CCDC42: variants seen among roughly 807,000 people sequenced by gnomAD.
The protein encoded by CCDC42 is coiled-coil domain-containing protein 42.
In CCDC42, 38 loss-of-function variants were observed where a neutral mutation model predicts 40.8. The observed-to-expected ratio is 0.93, with a 90% CI of 0.72 to 1.22. CCDC42 has a LOEUF of 1.22. Among genes scored for constraint, CCDC42 ranks in the 50% most tolerant of loss-of-function variants. CCDC42 has a pLI of 0.00. For synonymous variants in CCDC42, 135 were observed against 157.5 expected (o/e 0.86, Z 1.07); for missense variants, 379 against 416.5 (o/e 0.91, Z 0.78).
At chr17:8,732,418 A>G (rs2086587068) in intron 6 of CCDC42, among the ~76,000 whole-genome samples, 1 of 152,094 alleles carries the variant, frequency 6.6e-6, no homozygotes, top group South Asian at 2.1e-4. Flanking sequence ...TGGAGATGGA[A>G]CTACACAGAC....
Position 8,744,767 on chromosome 17 carries a change from GC to G in CCDC42, c.-159del. On this transcript the variant is annotated 5_prime_UTR_variant, in exon 1 of 7. Coordinates refer to ENST00000293845, the MANE Select transcript of CCDC42 (RefSeq NM_144681.3). ...GGAGTTTGAGACTCCACAGAAGGTG[GC>G]TGGAGACAGGTTGGGCGGCTCAGGA... The G allele has an allele frequency of 1.6e-6, 1 of 637,412 alleles. No homozygotes were observed. The highest frequency in any genetic ancestry group is 2.8e-6 in the Non-Finnish European group (1 of 352,772). The allele number at this position is 637,412 out of a possible 1,614,324, so 39.5% of individuals were successfully genotyped here. A position where few individuals can be genotyped will look rare whatever the true frequency, so the allele number is the denominator to read the frequency against.
chr17:8,740,741 T>G (rs1308892641), intron 4 of CCDC42, among the ~76,000 whole-genome samples: 1 of 152,122 alleles, frequency 6.6e-6, no homozygotes, highest in African/African-American at 2.4e-5. Context: ...CTACAGGGAC[T>G]GCAGGGAGAG....
intron 4 of CCDC42, 108 bp downstream of exon 4, chr17:8,741,366 G>A: frequency 8.7e-7 from 1 of 1,145,258 alleles, no homozygotes. Flanking sequence ...AGGGTCCACA[G>A]TCCCCAGCCA....
At position 8,730,124 on chromosome 17, in the gene CCDC42, G is replaced by C; in HGVS notation, c.*6C>G. The C allele has an allele frequency of 6.2e-7, 1 of 1,613,100 alleles. No individual in the cohort carries two copies. The highest frequency in any genetic ancestry group is 8.5e-7 in the Non-Finnish European group (1 of 1,179,168). On this transcript the variant is annotated 3_prime_UTR_variant, in exon 7 of 7. Transcript: ENST00000293845. The stretch of plus-strand genomic sequence containing the variant: ...TCTCAGGACATTCTGGAACAAGGCT[G>C]CCTCCTTAAATCCGGACTCGCTGTT...
At chr17:8,744,252 C>G (rs1213351423) in intron 1 of CCDC42, 68 bp from the exon 2 acceptor site, 2 of 1,210,770 alleles carry the variant, frequency 1.7e-6, no homozygotes, top group Admixed American at 2.0e-5. Context: ...TGGGAGTAAC[C>G]CGTGGAGACA....
chr17:8,741,545 G>T lies in CCDC42; in HGVS notation c.421C>A (p.Arg141=). 1 of 1,614,228 alleles carries T rather than the reference G, an allele frequency of 6.2e-7. No homozygotes were observed. The highest frequency in any genetic ancestry group is 8.5e-7 in the Non-Finnish European group (1 of 1,180,040). The change falls in exon 4 of 7, where the codon CGG becomes AGG. Residue 141 remains arginine (R), a synonymous_variant. Coordinates refer to ENST00000293845, the MANE Select transcript of CCDC42 (RefSeq NM_144681.3). ...TAGTCCTTCAGCTTGGCGCTCAGCC[G>T]CTGGTGCTCCAGCCGCAGCGCCACC... ...EMVALRLEHQ[R]LSAKLKDYYI... is the part of the protein sequence containing the mutation.
rs2152143383 is a variant in CCDC42 at position 8,737,725 on chromosome 17, T to C, written c.493-2114A>G. On this transcript the variant is annotated intron_variant, in intron 4 of 6. Coordinates refer to ENST00000293845, the MANE Select transcript of CCDC42 (RefSeq NM_144681.3). Reference sequence around the variant, plus strand: ...GAATCATACGATATAACCTCTTTTGTGTCTGGCTTAAGAAGCATACCAACT... The same window carrying C: ...GAATCATACGATATAACCTCTTTTGCGTCTGGCTTAAGAAGCATACCAACT... Among the ~76,000 whole-genome samples the C allele has an allele frequency of 1.3e-5, 2 of 152,338 alleles. 1 individual carries two copies. The highest frequency in any genetic ancestry group is 1.3e-4 in the Admixed American group (2 of 15,298).
At chr17:8,734,486 C>CTT (rs202035464) in intron 6 of CCDC42, among the ~76,000 whole-genome samples, 136 of 140,090 alleles carry the variant, frequency 9.7e-4, no homozygotes, top group African/African-American at 3.1e-3. Flanking sequence ...ATGAATTTCA[C>CTT]TTTTTTTTTT....
In CCDC42 at chr17:8,735,204, C is replaced by CA. The variant is rs911911248; in HGVS notation, c.764dup (p.Leu256AlafsTer5). The CA allele has an allele frequency of 6.2e-7, 1 of 1,614,204 alleles. No individual in the cohort carries two copies. ...GCGTGGCCATCTTAATGGTGCCAAG[C>CA]AGGAGGGTCTTCTTGGCTGCGGTGT... On this transcript the variant is annotated frameshift_variant, in exon 6 of 7. Coordinates refer to ENST00000293845, the MANE Select transcript of CCDC42 (RefSeq NM_144681.3). LOFTEE classifies it high-confidence loss of function. The surrounding 1 kb of genome is among the most constrained non-coding windows in gnomAD (Gnocchi z 4.7).
chr17:8,743,680 G>A lies in CCDC42; in HGVS notation c.240C>T (p.Gly80=), dbSNP rs200245591. Residue 80 remains glycine, a synonymous_variant, in exon 3 of 7, where the codon GGC becomes GGT. Transcript: ENST00000293845. ...GAGCCTTCAGTTGGGCTTCCTTAAC[G>A]CCCAGTTCCTCCCAGCGCAGGTTCA... The part of the protein sequence containing the change: ...ETLNLRWEEL[G]VKEAQLKAHI... 6.2e-6 allele frequency: 10 copies of A among 1,613,074 alleles called. No individual in the cohort carries two copies. Among genetic ancestry groups the A allele is most frequent in the East Asian group, 2.2e-5 (1 of 44,854 alleles).
chr17:8,741,450 G>T, intron 4 of CCDC42, 24 bp downstream of exon 4: 1 of 1,609,418 alleles, frequency 6.2e-7, no homozygotes, highest in South Asian at 1.1e-5. Flanking sequence ...TGCCAGGGCC[G>T]GCCCCCCTGC....
Position 8,735,733 on chromosome 17 carries a change from G to A in CCDC42, c.493-122C>T. 1 of 779,232 alleles carries A rather than the reference G, an allele frequency of 1.3e-6. No homozygotes were observed. The highest frequency in any genetic ancestry group is 1.8e-5 in the South Asian group (1 of 54,810). The allele number at this position is 779,232 out of a possible 1,614,324, so 48.3% of individuals were successfully genotyped here. On this transcript the variant is annotated intron_variant, in intron 4 of 6. Transcript: ENST00000293845. The surrounding 1 kb of genome is among the most constrained non-coding windows in gnomAD (Gnocchi z 4.7). ...GGACACCTGGGCAGGCAGGCCCTTG[G>A]CCAGGGTCACGGCCAGAGGCTGTGA...
At chr17:8,738,262 G>A (rs907988447) in intron 4 of CCDC42, among the ~76,000 whole-genome samples, 22 of 152,144 alleles carry the variant, frequency 1.4e-4, no homozygotes, top group African/African-American at 5.3e-4. Context: ...AGACGCAAAT[G>A]GATGAAAATA....
chr17:8,730,317 T>C, intron 6 of CCDC42, 110 bp from the exon 7 acceptor site: 1 of 659,360 alleles, frequency 1.5e-6, no homozygotes, highest in Non-Finnish European at 2.6e-6. Context: ...TGCTTTCCTG[T>C]GACTGACTTC....
intron 4 of CCDC42, among the ~76,000 whole-genome samples, chr17:8,739,743 A>G (rs2086630570): frequency 1.3e-5 from 2 of 152,096 alleles, no homozygotes. Context: ...GGGTTTCACC[A>G]TGTTGGCCAC....
chr17:8,730,256 C>G, intron 6 of CCDC42, 49 bp from the exon 7 acceptor site: 1 of 1,395,294 alleles, frequency 7.2e-7, no homozygotes, highest in Non-Finnish European at 1.0e-6. Flanking sequence ...AGAGGCCTCC[C>G]CTGTCCCAAG....
chr17:8,730,238 C>T (rs374587193), intron 6 of CCDC42, 31 bp from the exon 7 acceptor site: 296 of 1,579,324 alleles, frequency 1.9e-4, no homozygotes, highest in Non-Finnish European at 2.4e-4. Context: ...GCGTTAACTC[C>T]GCCCCCCAGA....
chr17:8,740,987 C>T (rs1307044954), intron 4 of CCDC42, among the ~76,000 whole-genome samples: 1 of 152,114 alleles, frequency 6.6e-6, no homozygotes, highest in Admixed American at 6.5e-5. Flanking sequence ...CCTAGTTCTG[C>T]AGGAGGTTGG....
At chr17:8,736,905 AAGAAGAAGAAAGGAAGAAGAAAGC>A (rs1370011396) in intron 4 of CCDC42, among the ~76,000 whole-genome samples, 13 of 151,106 alleles carry the variant, frequency 8.6e-5, no homozygotes, top group Admixed American at 4.6e-4. Context: ...AGAGACTGAG[AAGAAGAAGAAAGGAAGAAGAAAGC>A]AGAAGAAGAA....
Sources: allele counts gnomAD v4.1 joint callset (sites outside exome capture counted in the v4.1 genomes callset), GRCh38; gene constraint gnomAD v4.1.1; non-coding constraint Gnocchi (gnomAD v3.1); transcripts MANE v1.5; gene names NCBI Gene and HGNC (gene_info 2026-07-23, HGNC 2026-07-21).